The following PTRH1 variants were observed in gnomAD, a reference collection of about 807,000 sequenced individuals.
The protein encoded by PTRH1 is peptidyl-tRNA hydrolase 1 homolog.
In PTRH1, 13 loss-of-function variants were observed where a neutral mutation model predicts 15.7. The ratio of observed to expected loss-of-function variants is 0.83; its 90% CI spans 0.54 to 1.31. The LOEUF (loss-of-function observed/expected upper bound fraction) is 1.31, where lower values mean the gene tolerates loss of function less well. Among genes scored for constraint, PTRH1 ranks in the 40% most tolerant of loss-of-function variants. The pLI is 0.00. For missense variants in PTRH1, 319 were observed against 296.2 expected, an observed-to-expected ratio of 1.08 and a Z score of -0.56; for synonymous variants, 139 against 136.7, an observed-to-expected ratio of 1.02 and a Z score of -0.12.
Position 127,715,405 on chromosome 9 carries a change from A to C in PTRH1, c.96+139T>G. 1 of 1,350,506 alleles carries C rather than the reference A, an allele frequency of 7.4e-7. No homozygotes were observed. The highest frequency in any genetic ancestry group is 1.0e-6 in the Non-Finnish European group (1 of 972,128). 83.7% of individuals were successfully genotyped at this position (1,350,506 alleles called of 1,614,324 possible). ...CTAGTGCAGGAACGGAGCTTCAAGA[A>C]GTTTGGAGCCCGTCGAGCACTGAAC... On this transcript the variant is annotated intron_variant, in intron 1 of 4. Coordinates refer to ENST00000543175, the MANE Select transcript of PTRH1 (RefSeq NM_001002913.3). This position sits in a 1 kb window ranked among gnomAD's most constrained non-coding sequence, Gnocchi z 5.8.
At chr9:127,698,186 G>C (rs1373791360) in intron 1 of PTRH1, among the ~76,000 whole-genome samples, 1 of 152,176 alleles carries the variant, frequency 6.6e-6, no homozygotes, top group African/African-American at 2.4e-5. Flanking sequence ...TTTGAGTCCA[G>C]GAGTTTGAGA....
intron 2 of PTRH1, chr9:127,694,805 T>G: frequency 1.7e-6 from 1 of 589,246 alleles, no homozygotes; most frequent in Non-Finnish European, 3.0e-6. Flanking sequence ...AATTCCCTGC[T>G]CCTCCAAGGA....
chr9:127,702,358 G>A (rs1842610575), intron 1 of PTRH1, among the ~76,000 whole-genome samples: 1 of 147,018 alleles, frequency 6.8e-6, no homozygotes, highest in Non-Finnish European at 1.5e-5. Flanking sequence ...GGGTGACAGA[G>A]CAAGATTCCG....
downstream of PTRH1, chr9:127,713,462 C>A (rs546322606): frequency 4.2e-6 from 2 of 472,226 alleles, no homozygotes; most frequent in Non-Finnish European, 3.7e-6. Flanking sequence ...TGGGATCCCC[C>A]TGAAGAGGCC....
intron 1 of PTRH1, chr9:127,707,068 GA>G (rs1356956271): frequency 2.5e-6 from 4 of 1,613,998 alleles, no homozygotes; most frequent in Non-Finnish European, 2.5e-6. Flanking sequence ...GGCAGGCAAG[GA>G]GCTTGAAGTC....
intron 1 of PTRH1, among the ~76,000 whole-genome samples, chr9:127,702,887 T>G (rs1242682745): frequency 6.6e-6 from 1 of 151,398 alleles, no homozygotes; most frequent in Non-Finnish European, 1.5e-5. Context: ...AATTTTTTTT[T>G]TTTTTGTATT....
chr9:127,713,688 G>A (rs1267454247), downstream of PTRH1: 5 of 585,274 alleles, frequency 8.5e-6, no homozygotes, highest in Non-Finnish European at 1.5e-5. Context: ...TGTATTTTTA[G>A]TAGAGACAGG....
chr9:127,715,017 G>C lies in PTRH1; in HGVS notation c.274C>G (p.Arg92Gly), dbSNP rs1163885555. The C allele has an allele frequency of 7.3e-7, 1 of 1,369,680 alleles. No individual in the cohort carries two copies. The highest frequency in any genetic ancestry group is 1.5e-5 in the African/African-American group (1 of 65,116). The allele number at this position is 1,369,680 out of a possible 1,614,324, so 84.8% of individuals were successfully genotyped here. Residue 92 changes from arginine to glycine, a missense_variant, in exon 2 of 5, where the codon CGG (arginine) becomes GGG (glycine). Coordinates refer to ENST00000543175, the MANE Select transcript of PTRH1 (RefSeq NM_001002913.3). The surrounding 1 kb of genome is among the most constrained non-coding windows in gnomAD (Gnocchi z 5.8). ...CGCCCGTTGGCGTTCATAAGCCGCC[G>C]TGGCCGGAGCAGGACCAGTTGGGCA... is the stretch of plus-strand genomic sequence containing the variant. ...GDAQLVLLRP[R>G]RLMNANGRSV... is the part of the protein sequence containing the mutation.
chr9:127,710,798 C>A, downstream of PTRH1: 1 of 1,546,282 alleles, frequency 6.5e-7, no homozygotes, highest in South Asian at 1.2e-5. Flanking sequence ...AGGCTTCATC[C>A]CTGGGGCTAC....
rs529899427 is a variant in PTRH1, at chr9:127,714,059, G to T, written c.*41C>A. ...GCAGCTCTGTGGCAGTGGCTGGGTT[G>T]GTGGGCACTACAGTCAGGCAGGCAG... is the stretch of plus-strand genomic sequence containing the variant. On this transcript the variant is annotated 3_prime_UTR_variant, in exon 5 of 5. Coordinates refer to ENST00000543175, the MANE Select transcript of PTRH1 (RefSeq NM_001002913.3). 4 of 1,599,940 alleles carry T rather than the reference G, an allele frequency of 2.5e-6. No homozygotes were observed. The East Asian group carries it at 9.0e-5, about 36-fold the overall frequency.
intron 1 of PTRH1, among the ~76,000 whole-genome samples, chr9:127,703,710 C>A (rs1842621191): frequency 6.6e-6 from 1 of 152,190 alleles, no homozygotes; most frequent in Non-Finnish European, 1.5e-5. Flanking sequence ...CTAAGTCACA[C>A]CCTGCTCTAT....
chr9:127,714,909 C>T, intron 2 of PTRH1, 66 bp downstream of exon 2: 1 of 967,286 alleles, frequency 1.0e-6, no homozygotes, highest in Non-Finnish European at 1.5e-6. Flanking sequence ...GTGCTCCCCT[C>T]TGGCCCCCGC....
downstream of PTRH1, chr9:127,710,868 G>A (rs996141005): frequency 2.0e-5 from 24 of 1,217,054 alleles, no homozygotes; most frequent in South Asian, 5.9e-5. Flanking sequence ...GAAACTGACC[G>A]CCGCCCCGAC....
chr9:127,712,879 A>G (rs1189425745), downstream of PTRH1: 1 of 1,608,312 alleles, frequency 6.2e-7, no homozygotes, highest in Non-Finnish European at 8.5e-7. Flanking sequence ...AGGAGAGGTA[A>G]GCAAGTGGCC....
At chr9:127,713,496 C>CTTTTTTTTT, downstream of PTRH1, 1 of 88,614 alleles carries the variant, frequency 1.1e-5, no homozygotes, top group Non-Finnish European at 1.9e-5. Flanking sequence ...CAGCATCTTT[C>CTTTTTTTTT]TTTTTTTTTT....
At chr9:127,711,133 T>C (rs1842756619), downstream of PTRH1, 23 of 1,467,324 alleles carry the variant, frequency 1.6e-5, 1 homozygote, top group South Asian at 3.0e-4. Context: ...TGCTGGTGTT[T>C]AACAGCCCTA....
At chr9:127,709,386 C>G (rs1277275716), downstream of PTRH1, 1 of 1,600,526 alleles carries the variant, frequency 6.2e-7, no homozygotes, top group East Asian at 2.3e-5. The surrounding 1 kb of genome is among the most constrained non-coding windows in gnomAD (Gnocchi z 4.7). Flanking sequence ...GCTTGCCCAG[C>G]CTGACCCCTG....
At chr9:127,699,711 CA>C (rs1303084366) in intron 1 of PTRH1, among the ~76,000 whole-genome samples, 1 of 147,964 alleles carries the variant, frequency 6.8e-6, no homozygotes, top group Admixed American at 6.7e-5. Flanking sequence ...AATGGGCTAT[CA>C]GGGGAAAAAA....
chr9:127,700,213 G>A (rs1249853347), intron 1 of PTRH1, among the ~76,000 whole-genome samples: 1 of 152,102 alleles, frequency 6.6e-6, no homozygotes, highest in Non-Finnish European at 1.5e-5. Context: ...CCTCTTGCCC[G>A]CTCCCTCCTT....
Sources: allele counts gnomAD v4.1 joint callset (sites outside exome capture counted in the v4.1 genomes callset), GRCh38; gene constraint gnomAD v4.1.1; non-coding constraint Gnocchi (gnomAD v3.1); transcripts MANE v1.5; gene names NCBI Gene and HGNC (gene_info 2026-07-23, HGNC 2026-07-21).